The following SLC38A7 variants were observed in gnomAD, a reference collection of about 807,000 sequenced individuals.
SLC38A7 encodes the protein sodium-coupled neutral amino acid transporter 7.
A neutral mutation model predicts 50.1 loss-of-function variants in SLC38A7; 29 were observed. The ratio of observed to expected loss-of-function variants is 0.58; its 90% CI spans 0.43 to 0.79. SLC38A7 has a LOEUF of 0.79. Ranked by LOEUF, SLC38A7 falls within the 30% of genes least tolerant of loss-of-function variation. The probability of loss-of-function intolerance (pLI) is 0.00; values close to 1 mark genes in which losing one functional copy is unlikely to be tolerated. For missense variants in SLC38A7, 483 were observed against 610.6 expected (o/e 0.79, Z 2.20); for synonymous variants, 244 against 245.9 (o/e 0.99, Z 0.07).
chr16:58,683,019 G>A (rs556855294), intron 2 of SLC38A7, among the ~76,000 whole-genome samples: 2 of 149,708 alleles, frequency 1.3e-5, no homozygotes, highest in East Asian at 3.9e-4. Flanking sequence ...CTTCTCCCAC[G>A]TGACAAGCCC....
At chr16:58,673,664 G>GTTTT (rs34674682) in intron 8 of SLC38A7, among the ~76,000 whole-genome samples, 3 of 128,916 alleles carry the variant, frequency 2.3e-5, no homozygotes, top group African/African-American at 8.6e-5. Context: ...GTGCCTGGCC[G>GTTTT]TTTTTTTTTT....
intron 2 of SLC38A7, chr16:58,681,739 T>A (rs1567476563): frequency 6.6e-6 from 1 of 152,184 alleles, no homozygotes; most frequent in East Asian, 1.9e-4. Context: ...TCAGTAAGGG[T>A]TTAAGACTCA....
Position 58,678,779 on chromosome 16 carries a change from A to T in SLC38A7, c.386T>A (p.Val129Glu), listed in dbSNP as rs2044324300. 1 of 1,614,214 alleles carries T rather than the reference A, an allele frequency of 6.2e-7. No homozygotes were observed. Among genetic ancestry groups the T allele is most frequent in the Non-Finnish European group, 8.5e-7 (1 of 1,180,036 alleles). ...GACAGCGATGGCCACCTCACATAGC[A>T]CACCTGTCAGCTTGCCACACACAGC... is the stretch of plus-strand genomic sequence containing the variant. ...VWAVCGKLTG[V>E]LCEVAIAVYT... Residue 129 changes from valine to glutamate, a missense_variant, in exon 4 of 12, where the codon GTG becomes GAG. By Grantham distance (121) the Val-to-Glu change is moderately radical (BLOSUM62 -2). Transcript: ENST00000219320. The surrounding 1 kb of genome is among the most constrained non-coding windows in gnomAD (Gnocchi z 4.0).
chr16:58,668,637 G>C (rs76733922), intron 11 of SLC38A7, among the ~76,000 whole-genome samples: 19,215 of 147,096 alleles, frequency 0.13, 1,578 homozygotes, highest in East Asian at 0.41. Flanking sequence ...GCTTGAACCC[G>C]GGAGGTGGAG....
intron 8 of SLC38A7, chr16:58,675,259 C>A (rs920477710): frequency 5.0e-6 from 2 of 396,638 alleles, no homozygotes; most frequent in Non-Finnish European, 4.9e-6. Context: ...GTAACCCCAG[C>A]ACTTTGGGAG....
intron 8 of SLC38A7, 146 bp downstream of exon 8, chr16:58,675,794 C>T (rs1008471391): frequency 3.2e-6 from 2 of 628,604 alleles, no homozygotes; most frequent in Admixed American, 2.9e-5. Context: ...GAGGAGGCTC[C>T]AGGCAGGCCA....
Position 58,667,460 on chromosome 16 carries a change from G to A in SLC38A7, c.1314C>T (p.Val438=), listed in dbSNP as rs370641611. The change falls in exon 12 of 12, where the codon GTC becomes GTT. Residue 438 remains valine, a synonymous_variant. Transcript: ENST00000219320. ...ASWWVLVSYG[V]LLVTLGAFIF... Reference sequence around the variant, plus strand: ...TGAAGGCTCCCAGGGTGACCAAGAGGACTCCGTAGCTGACCAGCACCCACC... The same window carrying A: ...TGAAGGCTCCCAGGGTGACCAAGAGAACTCCGTAGCTGACCAGCACCCACC... 172 of 1,613,134 alleles carry A rather than the reference G, an allele frequency of 1.1e-4. No homozygotes were observed. Among genetic ancestry groups the A allele is most frequent in the Non-Finnish European group, 1.4e-4 (166 of 1,179,642 alleles).
intron 2 of SLC38A7, among the ~76,000 whole-genome samples, chr16:58,682,967 C>T (rs2044423653): frequency 6.6e-6 from 1 of 151,564 alleles, no homozygotes; most frequent in South Asian, 2.1e-4. Flanking sequence ...CAAAATTGGC[C>T]TTTCAAAATT....
chr16:58,676,411 C>T, intron 6 of SLC38A7, 65 bp from the exon 7 acceptor site: 1 of 1,573,050 alleles, frequency 6.4e-7, no homozygotes, highest in South Asian at 1.1e-5. Flanking sequence ...CACCCCACGC[C>T]CTCACTCTTC....
chr16:58,668,567 C>G (rs1299029417), intron 11 of SLC38A7, among the ~76,000 whole-genome samples: 2 of 150,984 alleles, frequency 1.3e-5, no homozygotes, highest in African/African-American at 4.9e-5. Context: ...AAAAAATTAG[C>G]TGGGTGTGGT....
At chr16:58,668,825 T>G (rs183478083) in intron 11 of SLC38A7, among the ~76,000 whole-genome samples, 1 of 150,022 alleles carries the variant, frequency 6.7e-6, no homozygotes, top group African/African-American at 2.4e-5. Flanking sequence ...CAGGCTGGAG[T>G]GCAGTGGTGC....
rs777909106 is a variant in SLC38A7 at position 58,677,319 on chromosome 16, C to T, written c.710+7G>A. 3 of 1,613,418 alleles carry T rather than the reference C, an allele frequency of 1.9e-6. No homozygotes were observed. Among genetic ancestry groups the T allele is most frequent in the South Asian group, 1.1e-5 (1 of 91,066 alleles). ...TTCCCCATGTCTCCTAGGGCCCTCA[C>T]CCTCACCTGGTCAGGATGTTCCCTG... On this transcript the variant is annotated splice_region_variant and intron_variant, in intron 6 of 11. Coordinates refer to ENST00000219320, the MANE Select transcript of SLC38A7 (RefSeq NM_018231.3).
In SLC38A7 at chr16:58,680,016, A is replaced by G; in HGVS notation, c.111T>C (p.Ser37=). Residue 37 remains serine (S), a synonymous_variant, in exon 3 of 12, where the codon AGT becomes AGC. Transcript: ENST00000219320. ...GACCCCCAGGAGAGGCTTCCCACTC[A>G]CTCTTGGGGGCTGTGTCCACACAGG... ...QSPCVDTAPK[S]EWEASPGGLD... is the part of the protein sequence containing the mutation. 6.2e-7 allele frequency: 1 copy of G among 1,609,532 alleles called. No individual in the cohort carries two copies. Among genetic ancestry groups the G allele is most frequent in the African/African-American group, 1.3e-5 (1 of 74,762 alleles).
rs2044308536 is a variant in SLC38A7 at position 58,678,166 on chromosome 16, A to G, written c.611+167T>C. ...ATCCTTTTTCTATGATGGAGACAGA[A>G]AAGGATGGTCTTATCTGAAACCCTG... On this transcript the variant is annotated intron_variant, in intron 5 of 11. Transcript: ENST00000219320. This position sits in a 1 kb window ranked among gnomAD's most constrained non-coding sequence, Gnocchi z 4.0. 6.6e-6 allele frequency among the ~76,000 whole-genome samples: 1 copy of G among 152,180 alleles called. No homozygotes were observed. The highest frequency in any genetic ancestry group is 1.5e-5 in the Non-Finnish European group (1 of 68,038).
chr16:58,672,739 T>G (rs1167789387), intron 8 of SLC38A7, among the ~76,000 whole-genome samples: 1 of 152,044 alleles, frequency 6.6e-6, no homozygotes, highest in East Asian at 1.9e-4. Context: ...CTTGACCTCC[T>G]CGGCTCAAGC....
At chr16:58,675,346 GAAAA>G (rs58028000) in intron 8 of SLC38A7, 191 of 327,316 alleles carry the variant, frequency 5.8e-4, no homozygotes, top group Middle Eastern at 1.1e-3. Flanking sequence ...GTCTCTGCTA[GAAAA>G]AAAAAAAAAA....
At chr16:58,673,981 C>T (rs948245488) in intron 8 of SLC38A7, among the ~76,000 whole-genome samples, 4 of 151,758 alleles carry the variant, frequency 2.6e-5, no homozygotes, top group Admixed American at 6.6e-5. Context: ...ACCACCACCA[C>T]GCCCGGCTAA....
chr16:58,681,304 G>T (rs1482360034), intron 2 of SLC38A7: 1 of 152,172 alleles, frequency 6.6e-6, no homozygotes, highest in African/African-American at 2.4e-5. Flanking sequence ...TGACCATAGG[G>T]CATCCATCTG....
chr16:58,674,910 G>A (rs994765463), intron 8 of SLC38A7, among the ~76,000 whole-genome samples: 3 of 151,744 alleles, frequency 2.0e-5, no homozygotes, highest in South Asian at 2.1e-4. Context: ...ACCTTTCCCC[G>A]AACCACCCCC....
Sources: allele counts gnomAD v4.1 joint callset (sites outside exome capture counted in the v4.1 genomes callset), GRCh38; gene constraint gnomAD v4.1.1; non-coding constraint Gnocchi (gnomAD v3.1); transcripts MANE v1.5; gene names NCBI Gene and HGNC (gene_info 2026-07-23, HGNC 2026-07-21).